The following RRH variants were observed in gnomAD, a reference collection of about 807,000 sequenced individuals.
The protein encoded by RRH is visual pigment-like receptor peropsin.
In RRH, 36 loss-of-function variants were observed where a neutral mutation model predicts 33.1. The ratio of observed to expected loss-of-function variants is 1.09; its 90% CI spans 0.83 to 1.44. The LOEUF is 1.44. RRH is among the 40% of genes most tolerant of loss of function. RRH has a pLI of 0.00. For synonymous variants in RRH, 124 were observed against 140.2 expected (o/e 0.88, Z 0.82); for missense variants, 393 against 420.2 (o/e 0.94, Z 0.57).
At chr4:109,832,403 A>G (rs1020989884) in intron 1 of RRH, among the ~76,000 whole-genome samples, 2 of 151,082 alleles carry the variant, frequency 1.3e-5, no homozygotes, top group African/African-American at 4.9e-5. Flanking sequence ...TTAAGGTGGT[A>G]TCAGCTGTGA....
intron 5 of RRH, among the ~76,000 whole-genome samples, chr4:109,842,227 C>T (rs1388370136): frequency 2.0e-5 from 3 of 151,972 alleles, no homozygotes; most frequent in Non-Finnish European, 4.4e-5. Flanking sequence ...GTGTACCATT[C>T]TTAAAAGCAA....
Position 109,831,966 on chromosome 4 carries a change from A to T in RRH, c.107-1173A>T, listed in dbSNP as rs188030348. ...TCTGACTGAAGTGCCAAGATATGTT[A>T]AAAGTTTTTACTGAGCTGATGTTGT... is the stretch of plus-strand genomic sequence containing the variant. On this transcript the variant is annotated intron_variant, in intron 1 of 6. Transcript: ENST00000317735. Among the ~76,000 whole-genome samples, 29 of 152,138 alleles carry T rather than the reference A, an allele frequency of 1.9e-4. 1 individual carries two copies. In the East Asian group the frequency reaches 3.9e-3, roughly 20 times the overall value.
intron 2 of RRH, among the ~76,000 whole-genome samples, chr4:109,833,676 T>A (rs373605329): frequency 7.5e-4 from 114 of 152,332 alleles, no homozygotes; most frequent in African/African-American, 2.6e-3. Context: ...AAAGTAGTGA[T>A]TTAATCATAA....
Position 109,842,602 on chromosome 4 carries a change from C to T in RRH, c.854C>T (p.Ser285Phe). Residue 285 changes from serine (S) to phenylalanine (F), a missense_variant, in exon 6 of 7, where the codon TCT becomes TTT. Ser to Phe is a radical substitution (Grantham distance 155). Transcript: ENST00000317735. ...MAIIAPLFAK[S>F]STFYNPCIYV... ...ATCATAGCTCCACTGTTTGCAAAAT[C>T]TTCTACATTCTATAACCCCTGCATT... The T allele has an allele frequency of 6.2e-7, 1 of 1,614,050 alleles. No homozygotes were observed. Among genetic ancestry groups the T allele is most frequent in the Non-Finnish European group, 8.5e-7 (1 of 1,179,922 alleles).
intron 1 of RRH, among the ~76,000 whole-genome samples, chr4:109,830,219 T>A (rs13129185): frequency 0.23 from 35,446 of 151,606 alleles, 5,140 homozygotes; most frequent in East Asian, 0.43. Flanking sequence ...ATCATTATGT[T>A]TGAACTGTAA....
At chr4:109,834,524 T>A (rs867609962) in intron 2 of RRH, among the ~76,000 whole-genome samples, 4 of 149,506 alleles carry the variant, frequency 2.7e-5, no homozygotes, top group Admixed American at 6.7e-5. Context: ...TTTTTTTTTT[T>A]AGTAATGACG....
intron 3 of RRH, 117 bp downstream of exon 3, chr4:109,835,582 T>C (rs1312714737): frequency 1.3e-6 from 1 of 790,122 alleles, no homozygotes; most frequent in Non-Finnish European, 2.2e-6. Context: ...GTTTTATTTC[T>C]CTGCCAATAA....
At position 109,837,590 on chromosome 4, in the gene RRH, G is replaced by C. The variant is rs766125744; in HGVS notation, c.705G>C (p.Gln235His). ...TESLNRDWSD[Q>H]IDVTKMSVIM... is the part of the protein sequence containing the mutation. ...CCCTCAACAGAGACTGGTCAGATCAGATAGATGTAACAAAGGTAAGAGATC... is the reference window on the plus strand; with the variant it reads ...CCCTCAACAGAGACTGGTCAGATCACATAGATGTAACAAAGGTAAGAGATC... The change falls in exon 5 of 7, where the codon CAG becomes CAC. Residue 235 changes from glutamine (Q) to histidine (H), a missense_variant. Physicochemically the swap from Gln to His is conservative, Grantham distance 24. Transcript: ENST00000317735. 33 of 1,613,724 alleles carry C rather than the reference G, an allele frequency of 2.0e-5. No homozygotes were observed. Among genetic ancestry groups the C allele is most frequent in the Non-Finnish European group, 2.8e-5 (33 of 1,179,800 alleles).
intron 5 of RRH, among the ~76,000 whole-genome samples, chr4:109,840,337 G>A (rs912832375): frequency 4.6e-5 from 7 of 151,526 alleles, no homozygotes; most frequent in Non-Finnish European, 8.8e-5. Flanking sequence ...TTATAAATTT[G>A]TTTAAGTTCC....
At chr4:109,843,487 G>A (rs1734022381) in intron 6 of RRH, among the ~76,000 whole-genome samples, 2 of 152,238 alleles carry the variant, frequency 1.3e-5, no homozygotes, top group Non-Finnish European at 2.9e-5. Flanking sequence ...GGGATTACAG[G>A]CGTGAGCCAC....
At chr4:109,834,195 T>C (rs1293088951) in intron 2 of RRH, among the ~76,000 whole-genome samples, 2 of 152,248 alleles carry the variant, frequency 1.3e-5, no homozygotes, top group African/African-American at 2.4e-5. Flanking sequence ...GGTTTATCCA[T>C]GTTGATGGAT....
At chr4:109,834,068 C>T (rs990521397) in intron 2 of RRH, among the ~76,000 whole-genome samples, 2 of 152,106 alleles carry the variant, frequency 1.3e-5, no homozygotes, top group Admixed American at 6.5e-5. Context: ...ATGTTTTTCT[C>T]TCTAATATAT....
chr4:109,844,134 G>A lies in RRH; in HGVS notation c.951G>A (p.Met317Ile). Residue 317 changes from methionine (M) to isoleucine (I), a missense_variant, in exon 7 of 7, where the codon ATG (methionine) becomes ATA (isoleucine). Coordinates refer to ENST00000317735, the MANE Select transcript of RRH (RefSeq NM_006583.5). ...TCAAATGTCAGACTCACCAAACAATGCCTGTGACAAGTATTTTACCCATGG... is the reference window on the plus strand; with the variant it reads ...TCAAATGTCAGACTCACCAAACAATACCTGTGACAAGTATTTTACCCATGG... ...AMFKCQTHQT[M>I]PVTSILPMDV... 6.2e-7 allele frequency: 1 copy of A among 1,613,956 alleles called. No individual in the cohort carries two copies. The highest frequency in any genetic ancestry group is 8.5e-7 in the Non-Finnish European group (1 of 1,179,858).
At chr4:109,837,899 C>A (rs904308361) in intron 5 of RRH, among the ~76,000 whole-genome samples, 1 of 152,186 alleles carries the variant, frequency 6.6e-6, no homozygotes, top group African/African-American at 2.4e-5. Flanking sequence ...CCTCAGCCTC[C>A]CCAGTAGCTG....
At chr4:109,835,001 C>T (rs1239722107) in intron 2 of RRH, among the ~76,000 whole-genome samples, 1 of 151,836 alleles carries the variant, frequency 6.6e-6, no homozygotes, top group Non-Finnish European at 1.5e-5. Flanking sequence ...GTGAATACCC[C>T]GTTCATCATC....
In RRH at chr4:109,836,089, C is replaced by T. The variant is rs1733877976; in HGVS notation, c.480C>T (p.Ile160=). 1 of 1,614,056 alleles carries T rather than the reference C, an allele frequency of 6.2e-7. No homozygotes were observed. The highest frequency in any genetic ancestry group is 8.5e-7 in the Non-Finnish European group (1 of 1,180,014). Reference sequence around the variant, plus strand: ...GCCTGTTTTGGGCTTTGATGCCTATCATAGGGTGGGCTAGTTATGCCCCAG... The same window carrying T: ...GCCTGTTTTGGGCTTTGATGCCTATTATAGGGTGGGCTAGTTATGCCCCAG... ...INGLFWALMP[I]IGWASYAPDP... is the part of the protein sequence containing the mutation. The change falls in exon 4 of 7, where the codon ATC becomes ATT. Residue 160 remains isoleucine, a synonymous_variant. Transcript: ENST00000317735.
intron 4 of RRH, 117 bp downstream of exon 4, chr4:109,836,277 C>G: frequency 9.5e-7 from 1 of 1,051,308 alleles, no homozygotes; most frequent in Non-Finnish European, 1.4e-6. Context: ...AAGCACTTCC[C>G]TGGTAGTGAT....
At chr4:109,836,714 A>G (rs1361990890) in intron 4 of RRH, among the ~76,000 whole-genome samples, 1 of 152,054 alleles carries the variant, frequency 6.6e-6, no homozygotes, top group African/African-American at 2.4e-5. Flanking sequence ...AAACATGAAC[A>G]GAAAATTTCT....
At position 109,835,857 on chromosome 4, in the gene RRH, T is replaced by C. The variant is rs371171588; in HGVS notation, c.398-150T>C. Reference sequence around the variant, plus strand: ...AAAGGGAGAATATTTGTGTTACTTTTATTAGGTGTTGCACTCATGTTTTGG... The same window carrying C: ...AAAGGGAGAATATTTGTGTTACTTTCATTAGGTGTTGCACTCATGTTTTGG... On this transcript the variant is annotated intron_variant, in intron 3 of 6. Coordinates refer to ENST00000317735, the MANE Select transcript of RRH (RefSeq NM_006583.5). 1,430 of 832,292 alleles carry C rather than the reference T, an allele frequency of 1.7e-3. 14 individuals carry two copies. In the African/African-American group the frequency reaches 0.02, roughly 11 times the overall value. 51.6% of individuals were successfully genotyped at this position (832,292 alleles called of 1,614,324 possible). A position where few individuals can be genotyped will look rare whatever the true frequency, so the allele number is the denominator to read the frequency against.
Sources: allele counts gnomAD v4.1 joint callset (sites outside exome capture counted in the v4.1 genomes callset), GRCh38; gene constraint gnomAD v4.1.1; transcripts MANE v1.5; gene names NCBI Gene and HGNC (gene_info 2026-07-23, HGNC 2026-07-21).